Variants in RAD51AP1 observed in about 807,000 individuals in gnomAD.
RAD51AP1 encodes RAD51 associated protein 1.
In RAD51AP1, 14 loss-of-function variants were observed where a neutral mutation model predicts 34.3. That is an observed-to-expected ratio of 0.41 (90% CI 0.27 to 0.64). The LOEUF (loss-of-function observed/expected upper bound fraction) is 0.64. Among genes scored for constraint, RAD51AP1 ranks in the 30% least tolerant of loss-of-function variants. RAD51AP1 has a pLI of 0.33. For missense variants in RAD51AP1, 348 were observed against 386.9 expected, an observed-to-expected ratio of 0.90 and a Z score of 0.84; for synonymous variants, 114 against 129.8, an observed-to-expected ratio of 0.88 and a Z score of 0.83.
At chr12:4,557,441 T>C (rs1013899724) in intron 8 of RAD51AP1, among the ~76,000 whole-genome samples, 1 of 152,220 alleles carries the variant, frequency 6.6e-6, no homozygotes, top group Non-Finnish European at 1.5e-5. Context: ...TGGGAACAAC[T>C]GTAATCTTTA....
At chr12:4,547,226 C>A (rs1220260464) in intron 4 of RAD51AP1, among the ~76,000 whole-genome samples, 1 of 151,894 alleles carries the variant, frequency 6.6e-6, no homozygotes, top group Admixed American at 6.6e-5. Flanking sequence ...TGCCGCCATG[C>A]CTGGCTAATT....
intron 7 of RAD51AP1, among the ~76,000 whole-genome samples, chr12:4,555,434 TCTC>T (rs1944575351): frequency 6.6e-6 from 1 of 152,072 alleles, no homozygotes; most frequent in South Asian, 2.1e-4. Context: ...GTAGCCTACT[TCTC>T]CTACACTACC....
At chr12:4,545,891 A>G in intron 3 of RAD51AP1, 2 of 1,562,950 alleles carry the variant, frequency 1.3e-6, no homozygotes, top group Non-Finnish European at 8.7e-7. Context: ...ATGTAAAAAA[A>G]TGATAATAAT....
chr12:4,541,510 G>T (rs1251748069), intron 1 of RAD51AP1, among the ~76,000 whole-genome samples: 2 of 152,004 alleles, frequency 1.3e-5, no homozygotes, highest in Non-Finnish European at 2.9e-5. Context: ...CAATTAAACA[G>T]TATAGCAATT....
At chr12:4,543,258 A>G (rs1308322883) in intron 2 of RAD51AP1, among the ~76,000 whole-genome samples, 2 of 152,124 alleles carry the variant, frequency 1.3e-5, no homozygotes, top group East Asian at 1.9e-4. Flanking sequence ...ACAGGGTTTC[A>G]CCACTTTGGC....
intron 3 of RAD51AP1, chr12:4,545,788 T>A (rs754430845): frequency 3.7e-6 from 6 of 1,613,336 alleles, no homozygotes; most frequent in Non-Finnish European, 5.1e-6. Flanking sequence ...GCAGACTCCC[T>A]GAAGGTACTT....
intron 5 of RAD51AP1, 39 bp downstream of exon 5, chr12:4,548,217 G>A: frequency 6.3e-7 from 1 of 1,578,614 alleles, no homozygotes; most frequent in Non-Finnish European, 8.5e-7. Flanking sequence ...CATCAACAAT[G>A]CTGTTTCTCT....
At chr12:4,552,857 A>G in intron 6 of RAD51AP1, 126 bp from the exon 7 acceptor site, 1 of 800,956 alleles carries the variant, frequency 1.2e-6, no homozygotes, top group Non-Finnish European at 1.8e-6. Flanking sequence ...CAACCACTGC[A>G]GTGTTCTGCT....
At chr12:4,551,542 A>G (rs1565526428) in intron 6 of RAD51AP1, among the ~76,000 whole-genome samples, 1 of 151,806 alleles carries the variant, frequency 6.6e-6, no homozygotes, top group Non-Finnish European at 1.5e-5. Context: ...ACCATGAGCT[A>G]GAAAACAGAC....
chr12:4,550,701 A>T (rs773330885), intron 6 of RAD51AP1, among the ~76,000 whole-genome samples: 3 of 152,368 alleles, frequency 2.0e-5, no homozygotes, highest in South Asian at 2.1e-4. Context: ...GTGTAGTGGC[A>T]CGATCTTGGC....
chr12:4,551,055 CATT>C (rs950074422), intron 6 of RAD51AP1, among the ~76,000 whole-genome samples: 55 of 152,092 alleles, frequency 3.6e-4, no homozygotes, highest in Non-Finnish European at 7.5e-4. Context: ...GACAACCACA[CATT>C]ATATGATTTC....
intron 3 of RAD51AP1, 113 bp from the exon 4 acceptor site, chr12:4,546,196 A>G: frequency 6.8e-6 from 5 of 735,044 alleles, no homozygotes; most frequent in Non-Finnish European, 1.1e-5. Flanking sequence ...GTTTAAAAAC[A>G]TTTTTGCGAA....
chr12:4,539,840 A>G (rs567895028), intron 1 of RAD51AP1, among the ~76,000 whole-genome samples: 1 of 152,224 alleles, frequency 6.6e-6, no homozygotes, highest in South Asian at 2.1e-4. Flanking sequence ...CTTAGAAAGG[A>G]GTTTAGGTTT....
intron 1 of RAD51AP1, among the ~76,000 whole-genome samples, chr12:4,541,090 A>G (rs973688005): frequency 2.6e-5 from 4 of 152,204 alleles, no homozygotes; most frequent in African/African-American, 4.8e-5. Context: ...CTGAAGTAGT[A>G]CAAGTTGAGC....
chr12:4,539,300 T>C (rs1944435437), intron 1 of RAD51AP1, among the ~76,000 whole-genome samples: 1 of 152,236 alleles, frequency 6.6e-6, no homozygotes, highest in Non-Finnish European at 1.5e-5. Context: ...AGCATTCCTG[T>C]TGTATTGATT....
chr12:4,559,017 GT>G lies in RAD51AP1; in HGVS notation c.*26del. The G allele has an allele frequency of 6.2e-7, 1 of 1,610,854 alleles. No homozygotes were observed. The highest frequency in any genetic ancestry group is 8.5e-7 in the Non-Finnish European group (1 of 1,178,046). Reference sequence around the variant, plus strand: ...GAGTGTGGTACAGGAGGAATGTTTGGTTGGGAGAATCACAGCTTTACAAGGG... The same window carrying G: ...GAGTGTGGTACAGGAGGAATGTTTGGTGGGAGAATCACAGCTTTACAAGGG... On this transcript the variant is annotated 3_prime_UTR_variant, in exon 9 of 9. Transcript: ENST00000352618.
chr12:4,553,093 A>G lies in RAD51AP1; in HGVS notation c.667A>G (p.Lys223Glu). The change falls in exon 7 of 9, where the codon AAA becomes GAA. Residue 223 changes from lysine to glutamate, a missense_variant. Lys to Glu is a moderately conservative substitution (Grantham distance 56). Coordinates refer to ENST00000352618, the MANE Select transcript of RAD51AP1 (RefSeq NM_006479.5). The part of the protein sequence containing the change: ...KEIKKKEVKV[K>E]SPVEKKEKKS... ...AATTAAAAAGAAAGAAGTGAAGGTA[A>G]AATCCCCAGTAGAAAAGAAAGAGAA... 6.2e-7 allele frequency: 1 copy of G among 1,603,386 alleles called. No individual in the cohort carries two copies. The highest frequency in any genetic ancestry group is 8.5e-7 in the Non-Finnish European group (1 of 1,173,598).
At position 4,556,440 on chromosome 12, in the gene RAD51AP1, G is replaced by T; in HGVS notation, c.809G>T (p.Arg270Met). 2.5e-6 allele frequency: 4 copies of T among 1,613,568 alleles called. No homozygotes were observed. The highest frequency in any genetic ancestry group is 3.4e-6 in the Non-Finnish European group (4 of 1,179,548). ...GTTTCTCTGTCTTCAGATACCACTA[G>T]GAAACCATTAGAAATACGCAGTCCT... ...KKVSLSSDTT[R>M]KPLEIRSPSA... Residue 270 changes from arginine (R) to methionine (M), a missense_variant, in exon 8 of 9, where the codon AGG becomes ATG. Coordinates refer to ENST00000352618, the MANE Select transcript of RAD51AP1 (RefSeq NM_006479.5).
intron 3 of RAD51AP1, 48 bp downstream of exon 3, chr12:4,543,952 T>A: frequency 6.8e-7 from 1 of 1,460,172 alleles, no homozygotes. Flanking sequence ...ATGTGTTAAT[T>A]TTAAAGAGAC....
Sources: gnomAD v4.1 joint callset for allele counts (sites outside exome capture counted in the v4.1 genomes callset) on GRCh38, gnomAD v4.1.1 for gene constraint, MANE v1.5 for transcripts, NCBI Gene and HGNC (gene_info 2026-07-23, HGNC 2026-07-21) for gene names.